The following TPO variants were observed in gnomAD, a reference collection of about 807,000 sequenced individuals.
TPO encodes the protein thyroid peroxidase.
TPO carries 78 observed loss-of-function variants against 96.9 expected under a neutral mutation model. The ratio of observed to expected loss-of-function variants is 0.81; its 90% CI spans 0.67 to 0.97. The LOEUF (loss-of-function observed/expected upper bound fraction) is 0.97. Among genes scored for constraint, TPO ranks in the 50% least tolerant of loss-of-function variants. TPO has a pLI of 0.00. For synonymous variants in TPO, 547 were observed against 538.0 expected (o/e 1.02, Z -0.23); for missense variants, 1,252 against 1,274.8 (o/e 0.98, Z 0.27).
chr2:1,484,060 A>T (rs1670887530), intron 8 of TPO, among the ~76,000 whole-genome samples: 2 of 152,208 alleles, frequency 1.3e-5, no homozygotes, highest in Admixed American at 1.3e-4. Flanking sequence ...TGTCTGAAAG[A>T]AACACTGTTA....
At chr2:1,486,418 G>C (rs1671170431) in intron 9 of TPO, among the ~76,000 whole-genome samples, 2 of 151,912 alleles carry the variant, frequency 1.3e-5, no homozygotes, top group African/African-American at 4.8e-5. Context: ...GATGCCTGTA[G>C]TCAGCTACTC....
In TPO at chr2:1,484,671, G is replaced by C; in HGVS notation, c.1414G>C (p.Gly472Arg). Residue 472 changes from glycine to arginine, a missense_variant, in exon 9 of 17, where the codon GGC (glycine) becomes CGC (arginine). Gly to Arg is a moderately radical substitution (Grantham distance 125). Coordinates refer to ENST00000329066, the MANE Select transcript of TPO (RefSeq NM_001206744.2). ...AFQQYVGPYE[G>R]YDSTANPTVS... is the part of the protein sequence containing the mutation. ...CCAGCAGTACGTGGGTCCCTATGAA[G>C]GCTATGACTCCACCGCCAACCCCAC... 1 of 1,614,134 alleles carries C rather than the reference G, an allele frequency of 6.2e-7. No individual in the cohort carries two copies. The highest frequency in any genetic ancestry group is 8.5e-7 in the Non-Finnish European group (1 of 1,180,044).
intron 14 of TPO, among the ~76,000 whole-genome samples, chr2:1,507,809 A>G (rs2125027001): frequency 6.6e-6 from 1 of 152,254 alleles, no homozygotes; most frequent in South Asian, 2.1e-4. Context: ...TTTTCTAGAT[A>G]TACAATCATG....
chr2:1,405,679 A>G (rs189508269), intron 1 of TPO, among the ~76,000 whole-genome samples: 1 of 152,312 alleles, frequency 6.6e-6, no homozygotes, highest in Non-Finnish European at 1.5e-5. Context: ...CTAATAGGGA[A>G]TGTCTCCCAC....
intron 5 of TPO, among the ~76,000 whole-genome samples, chr2:1,440,174 C>T (rs1666025003): frequency 6.7e-6 from 1 of 148,894 alleles, no homozygotes; most frequent in Non-Finnish European, 1.5e-5. Flanking sequence ...CACCGTGCTG[C>T]GTTTCCACCG....
intron 15 of TPO, among the ~76,000 whole-genome samples, chr2:1,532,460 T>C (rs1196009981): frequency 1.1e-4 from 14 of 123,388 alleles, no homozygotes; most frequent in Non-Finnish European, 2.1e-4. Flanking sequence ...CCCCGCACTG[T>C]GCAACCTCCT....
intron 11 of TPO, among the ~76,000 whole-genome samples, chr2:1,494,344 G>A (rs775906897): frequency 2.0e-5 from 3 of 152,222 alleles, no homozygotes; most frequent in Admixed American, 6.5e-5. Flanking sequence ...GTGACAGCCC[G>A]GAGACTGCAT....
At chr2:1,462,588 A>C (rs1001074338) in intron 7 of TPO, among the ~76,000 whole-genome samples, 1 of 151,804 alleles carries the variant, frequency 6.6e-6, no homozygotes, top group Non-Finnish European at 1.5e-5. Flanking sequence ...GTTTTTAAAC[A>C]TACAGACTGG....
rs779480057 is a variant in TPO at position 1,540,657 on chromosome 2, G to A, written c.2682G>A (p.Leu894=). Residue 894 remains leucine (L), a synonymous_variant, in exon 16 of 17, where the codon CTG becomes CTA. Coordinates refer to ENST00000329066, the MANE Select transcript of TPO (RefSeq NM_001206744.2). ...AGACAGGCGGAGGAACTCCCGAGCT[G>A]AGATGCGGAAAGCACCAGGCCGTAG... is the stretch of plus-strand genomic sequence containing the variant. The part of the protein sequence containing the change: ...ISETGGGTPE[L]RCGKHQAVGT... 1.2e-6 allele frequency: 2 copies of A among 1,613,564 alleles called. No individual in the cohort carries two copies. Among genetic ancestry groups the A allele is most frequent in the Admixed American group, 1.7e-5 (1 of 60,032 alleles).
At chr2:1,528,973 A>C (rs569246838) in intron 15 of TPO, among the ~76,000 whole-genome samples, 1 of 107,936 alleles carries the variant, frequency 9.3e-6, no homozygotes, top group South Asian at 3.3e-4. Context: ...AAATCCCCCC[A>C]CTGTGAGTAA....
intron 1 of TPO, among the ~76,000 whole-genome samples, chr2:1,398,837 G>C (rs964983137): frequency 8.5e-5 from 13 of 152,174 alleles, no homozygotes; most frequent in African/African-American, 3.1e-4. Flanking sequence ...CTGGAAGGTT[G>C]TGCCCCCTCA....
chr2:1,405,655 T>A (rs1287211028), intron 1 of TPO, among the ~76,000 whole-genome samples: 2 of 152,180 alleles, frequency 1.3e-5, no homozygotes, highest in Non-Finnish European at 2.9e-5. Flanking sequence ...TCTCACAGAT[T>A]CACCCCCAAG....
chr2:1,484,622 CAGGATCCTGGGACCCG>C lies in TPO; in HGVS notation c.1369_1384del (p.Ile457ProfsTer40). 1 of 1,614,158 alleles carries C rather than the reference CAGGATCCTGGGACCCG, an allele frequency of 6.2e-7. No homozygotes were observed. The highest frequency in any genetic ancestry group is 8.5e-7 in the Non-Finnish European group (1 of 1,180,040). On this transcript the variant is annotated frameshift_variant, in exon 9 of 17. Coordinates refer to ENST00000329066, the MANE Select transcript of TPO (RefSeq NM_001206744.2). LOFTEE classifies it high-confidence loss of function. ...TCATCACCCTGAGGGATTACATCCCCAGGATCCTGGGACCCGAGGCCTTCCAGCAGTACGTGGGTCC... is the reference window on the plus strand; with the variant it reads ...TCATCACCCTGAGGGATTACATCCCCAGGCCTTCCAGCAGTACGTGGGTCC...
intron 15 of TPO, among the ~76,000 whole-genome samples, chr2:1,539,889 G>C (rs1422555784): frequency 1.3e-5 from 2 of 149,574 alleles, no homozygotes; most frequent in Non-Finnish European, 3.0e-5. Context: ...GGCGGGGGCA[G>C]GTAAAAACGC....
intron 2 of TPO, among the ~76,000 whole-genome samples, chr2:1,418,299 AAG>A (rs1553296831): frequency 1.6e-4 from 24 of 146,312 alleles, no homozygotes; most frequent in South Asian, 6.3e-4. Flanking sequence ...AAAAAAAAAA[AAG>A]AGAGAGAGAG....
chr2:1,487,252 C>T (rs1671258469), intron 9 of TPO, among the ~76,000 whole-genome samples: 1 of 151,882 alleles, frequency 6.6e-6, no homozygotes, highest in Non-Finnish European at 1.5e-5. Flanking sequence ...AAACAAAAAG[C>T]TTTAAAAACT....
chr2:1,537,896 CCA>C (rs1680213626), intron 15 of TPO, among the ~76,000 whole-genome samples: 1 of 115,942 alleles, frequency 8.6e-6, no homozygotes, highest in Non-Finnish European at 1.7e-5. Context: ...CCTCAAATCC[CCA>C]CCACTCTGTG....
intron 15 of TPO, among the ~76,000 whole-genome samples, chr2:1,527,771 C>A (rs541458923): frequency 6.7e-6 from 1 of 148,678 alleles, no homozygotes; most frequent in Non-Finnish European, 1.5e-5. Flanking sequence ...CAAATCCCCC[C>A]CACTCTGTGC....
intron 6 of TPO, 93 bp from the exon 7 acceptor site, chr2:1,455,983 G>C: frequency 7.6e-7 from 1 of 1,319,492 alleles, no homozygotes; most frequent in Middle Eastern, 2.4e-4. Flanking sequence ...CTGTGAACAA[G>C]AACCACACCA....
Sources: allele counts gnomAD v4.1 joint callset (sites outside exome capture counted in the v4.1 genomes callset), GRCh38; gene constraint gnomAD v4.1.1; transcripts MANE v1.5; gene names NCBI Gene and HGNC (gene_info 2026-07-23, HGNC 2026-07-21).